Variants in CPED1 observed in about 807,000 individuals in gnomAD.
CPED1 encodes the protein cadherin like and PC-esterase domain containing 1.
In CPED1, 114 loss-of-function variants were observed where a neutral mutation model predicts 128.2. The observed-to-expected ratio is 0.89, with a 90% CI of 0.76 to 1.04. The LOEUF (loss-of-function observed/expected upper bound fraction) is 1.04. Ranked by LOEUF, CPED1 falls within the 50% of genes least tolerant of loss-of-function variation. CPED1 has a pLI of 0.00. For synonymous variants in CPED1, 462 were observed against 426.7 expected (o/e 1.08, Z -1.02); for missense variants, 1,211 against 1,207.1 (o/e 1.00, Z -0.05).
rs537810727 is a variant in CPED1 at position 121,212,214 on chromosome 7, G to A, written c.2056-24500G>A. Among the ~76,000 whole-genome samples the A allele has an allele frequency of 1.2e-4, 18 of 152,120 alleles. No homozygotes were observed. The East Asian group carries it at 3.5e-3, about 30-fold the overall frequency. On this transcript the variant is annotated intron_variant, in intron 16 of 22. Coordinates refer to ENST00000310396, the MANE Select transcript of CPED1 (RefSeq NM_024913.5). ...CATATGCTTTACTCAGTCCCCAAAT[G>A]CAACTAGACAAAACCCATCGTCAAT...
rs532235400 is a variant in CPED1 at position 121,094,632 on chromosome 7, C to G, written c.617-3067C>G. Among the ~76,000 whole-genome samples, 8 of 152,262 alleles carry G rather than the reference C, an allele frequency of 5.3e-5. No homozygotes were observed. The East Asian group carries it at 1.5e-3, about 29-fold the overall frequency. ...AGTGATATGGGAAGTTCAGAAGATTCATGGGATTTACATTCTGGATTTTAG... is the reference window on the plus strand; with the variant it reads ...AGTGATATGGGAAGTTCAGAAGATTGATGGGATTTACATTCTGGATTTTAG... On this transcript the variant is annotated intron_variant, in intron 5 of 22. Coordinates refer to ENST00000310396, the MANE Select transcript of CPED1 (RefSeq NM_024913.5).
chr7:121,194,048 A>ACT (rs1797213480), intron 16 of CPED1, among the ~76,000 whole-genome samples: 1 of 47,464 alleles, frequency 2.1e-5, no homozygotes, highest in Non-Finnish European at 3.6e-5. Flanking sequence ...ATATATATAT[A>ACT]TTTTTTTTTT....
intron 14 of CPED1, among the ~76,000 whole-genome samples, chr7:121,140,334 T>C (rs1795872754): frequency 6.6e-6 from 1 of 151,962 alleles, no homozygotes; most frequent in African/African-American, 2.4e-5. Flanking sequence ...ATGCTGGAGT[T>C]TGCAGTCTTT....
chr7:121,133,879 T>C lies in CPED1; in HGVS notation c.1634T>C (p.Ile545Thr). The C allele has an allele frequency of 6.3e-7, 1 of 1,576,882 alleles. No individual in the cohort carries two copies. Among genetic ancestry groups the C allele is most frequent in the Non-Finnish European group, 8.7e-7 (1 of 1,152,864 alleles). ...IEKPQVPFDA[I>T]ENKKAAVPQI... ...AAACCACAAGTGCCATTTGATGCAA[T>C]AGAAAATAAAAAAGGTAAAAATATA... The change falls in exon 13 of 23, where the codon ATA becomes ACA. Residue 545 changes from isoleucine (I) to threonine (T), a missense_variant. Ile to Thr is a moderately conservative substitution (Grantham distance 89, BLOSUM62 -1). Transcript: ENST00000310396.
rs562660938 is a variant in CPED1, at chr7:121,075,529, G to A, written c.616+11216G>A. ...GTCACCCAGGCTGGAGTGCAGTGGC[G>A]CGATCTTGCTGCAACTTTCTCCTCC... On this transcript the variant is annotated intron_variant, in intron 5 of 22. Coordinates refer to ENST00000310396, the MANE Select transcript of CPED1 (RefSeq NM_024913.5). Among the ~76,000 whole-genome samples, 10 of 151,978 alleles carry A rather than the reference G, an allele frequency of 6.6e-5. No individual in the cohort carries two copies. In the South Asian group the frequency reaches 1.0e-3, roughly 16 times the overall value.
intron 16 of CPED1, among the ~76,000 whole-genome samples, chr7:121,195,348 T>G (rs1797247949): frequency 6.6e-6 from 1 of 152,180 alleles, no homozygotes; most frequent in African/African-American, 2.4e-5. Context: ...TTACTATCAT[T>G]TTAAATCACC....
At chr7:121,070,274 T>C (rs1793953188) in intron 5 of CPED1, among the ~76,000 whole-genome samples, 1 of 151,774 alleles carries the variant, frequency 6.6e-6, no homozygotes, top group Non-Finnish European at 1.5e-5. Context: ...TGATTACTCT[T>C]AATATCCCAG....
intron 16 of CPED1, among the ~76,000 whole-genome samples, chr7:121,209,251 G>A (rs1584598916): frequency 6.6e-6 from 1 of 151,988 alleles, no homozygotes; most frequent in South Asian, 2.1e-4. Flanking sequence ...TCAGGTCATT[G>A]TTTTTATATA....
chr7:121,154,839 C>T lies in CPED1; in HGVS notation c.2055+12698C>T, dbSNP rs377240190. Among the ~76,000 whole-genome samples, 14 of 152,282 alleles carry T rather than the reference C, an allele frequency of 9.2e-5. 1 individual carries two copies. The Middle Eastern group carries it at 0.01, about 112-fold the overall frequency. On this transcript the variant is annotated intron_variant, in intron 16 of 22. Coordinates refer to ENST00000310396, the MANE Select transcript of CPED1 (RefSeq NM_024913.5). The stretch of plus-strand genomic sequence containing the variant: ...GATTACAGGCGTGAGCCACCGCGCC[C>T]GGCCTAGAGATGTTGAATTTTATCA...
At chr7:121,280,026 G>A (rs1792423842) in intron 22 of CPED1, among the ~76,000 whole-genome samples, 1 of 152,076 alleles carries the variant, frequency 6.6e-6, no homozygotes, top group African/African-American at 2.4e-5. Flanking sequence ...ATACAGTGAA[G>A]TCATCAGTTG....
chr7:121,286,979 G>A (rs375863010), intron 22 of CPED1, among the ~76,000 whole-genome samples: 3 of 152,292 alleles, frequency 2.0e-5, no homozygotes, highest in Admixed American at 6.5e-5. Context: ...GGAAGGAGAA[G>A]TGCCAAGTGA....
intron 16 of CPED1, among the ~76,000 whole-genome samples, chr7:121,148,413 A>AC (rs1796076626): frequency 6.6e-6 from 1 of 152,066 alleles, no homozygotes; most frequent in African/African-American, 2.4e-5. Flanking sequence ...TTTAATCTTT[A>AC]CCCCAACCTT....
intron 22 of CPED1, among the ~76,000 whole-genome samples, chr7:121,280,237 A>C (rs543372016): frequency 7.6e-4 from 116 of 152,352 alleles, no homozygotes; most frequent in African/African-American, 2.7e-3. Context: ...CAATAGTGTA[A>C]AAACTCAGCA....
rs990596912 is a variant in CPED1 at position 120,989,491 on chromosome 7, A to C, written c.-131A>C. The C allele has an allele frequency of 2.9e-5, 35 of 1,218,930 alleles. No homozygotes were observed. The highest frequency in any genetic ancestry group is 3.7e-5 in the Non-Finnish European group (32 of 870,432). The allele number at this position is 1,218,930 out of a possible 1,614,324, so 75.5% of individuals were successfully genotyped here. A position where few individuals can be genotyped will look rare whatever the true frequency, so the allele number is the denominator to read the frequency against. On this transcript the variant is annotated 5_prime_UTR_variant, in exon 2 of 23. It removes the in-frame stop codon of an upstream open reading frame in the 5' UTR. Transcript: ENST00000310396. ...GGCACAACCTTTTGGAAAATTCTTA[A>C]GCAGGGATGAAGCAAACTTGATTGG... is the stretch of plus-strand genomic sequence containing the variant.
intron 3 of CPED1, among the ~76,000 whole-genome samples, chr7:121,034,895 G>A (rs986820085): frequency 2.0e-5 from 3 of 152,194 alleles, no homozygotes; most frequent in Non-Finnish European, 2.9e-5. Flanking sequence ...AATAGAAGCA[G>A]TCTGAAGGGC....
chr7:121,198,362 C>T (rs544429429), intron 16 of CPED1, among the ~76,000 whole-genome samples: 2 of 152,158 alleles, frequency 1.3e-5, no homozygotes, highest in East Asian at 1.9e-4. Flanking sequence ...TTTATGGTTA[C>T]ATTCGGTATG....
At chr7:120,994,860 G>T (rs1322846101) in intron 2 of CPED1, among the ~76,000 whole-genome samples, 3 of 152,166 alleles carry the variant, frequency 2.0e-5, no homozygotes, top group Admixed American at 2.0e-4. Context: ...AACACACATT[G>T]CAGAATGGAC....
At chr7:121,102,494 C>T (rs1794873098) in intron 7 of CPED1, among the ~76,000 whole-genome samples, 1 of 152,064 alleles carries the variant, frequency 6.6e-6, no homozygotes, top group Non-Finnish European at 1.5e-5. Context: ...CAGAATTTCA[C>T]CCCCTAAACT....
intron 7 of CPED1, among the ~76,000 whole-genome samples, chr7:121,105,821 AT>A (rs1417533481): frequency 6.6e-6 from 1 of 152,090 alleles, no homozygotes; most frequent in Non-Finnish European, 1.5e-5. Flanking sequence ...TCATTCATTC[AT>A]TCCTTCATTC....
Sources: allele counts gnomAD v4.1 joint callset (sites outside exome capture counted in the v4.1 genomes callset), GRCh38; gene constraint gnomAD v4.1.1; transcripts MANE v1.5; gene names NCBI Gene and HGNC (gene_info 2026-07-23, HGNC 2026-07-21).